PPP2R2C: variants seen among roughly 807,000 people sequenced by gnomAD.
PPP2R2C encodes protein phosphatase 2 regulatory subunit Bgamma.
Under a neutral mutation model 45.3 loss-of-function variants are expected in PPP2R2C, and 10 were observed. That is an observed-to-expected ratio of 0.22 (90% confidence interval 0.14 to 0.37). PPP2R2C has a LOEUF of 0.37. Among genes scored for constraint, PPP2R2C ranks in the 10% least tolerant of loss-of-function variants. The pLI is 1.00. For synonymous variants in PPP2R2C, 257 were observed against 245.4 expected (o/e 1.05, Z -0.44); for missense variants, 308 against 619.7 (o/e 0.50, Z 5.34).
At chr4:6,450,915 A>G (rs978919586) in intron 1 of PPP2R2C, among the ~76,000 whole-genome samples, 1 of 152,120 alleles carries the variant, frequency 6.6e-6, no homozygotes, top group African/African-American at 2.4e-5. Flanking sequence ...CCATCGGCGG[A>G]CACTTCAGCC....
Position 6,368,685 on chromosome 4 carries a change from G to A in PPP2R2C, c.625+3838C>T, listed in dbSNP as rs1714542358. Among the ~76,000 whole-genome samples the A allele has an allele frequency of 1.3e-5, 2 of 152,054 alleles. No individual in the cohort carries two copies. Among genetic ancestry groups the A allele is most frequent in the Admixed American group, 1.3e-4 (2 of 15,270 alleles). On this transcript the variant is annotated intron_variant, in intron 5 of 8. Transcript: ENST00000382599. This position sits in a 1 kb window ranked among gnomAD's most constrained non-coding sequence, Gnocchi z 4.2. ...TGGTTATGATACAATCCAAATCTATGACACCTCCATCCTTACAATCTCATT... is the reference window on the plus strand; with the variant it reads ...TGGTTATGATACAATCCAAATCTATAACACCTCCATCCTTACAATCTCATT...
chr4:6,356,172 G>A (rs1021402178), intron 5 of PPP2R2C, among the ~76,000 whole-genome samples: 3 of 152,102 alleles, frequency 2.0e-5, no homozygotes, highest in Non-Finnish European at 4.4e-5. Flanking sequence ...TGGCTGACCT[G>A]CTTGTGTCAT....
chr4:6,354,227 C>T (rs1354456612), intron 5 of PPP2R2C, among the ~76,000 whole-genome samples: 2 of 151,738 alleles, frequency 1.3e-5, no homozygotes, highest in Non-Finnish European at 2.9e-5. Flanking sequence ...TGGCCTCTCC[C>T]ACCCCACCGA....
At chr4:6,415,413 T>A (rs1477510691) in intron 1 of PPP2R2C, among the ~76,000 whole-genome samples, 3 of 152,220 alleles carry the variant, frequency 2.0e-5, no homozygotes, top group Non-Finnish European at 4.4e-5. Context: ...TTTCCCAGCC[T>A]GGGGCTCAAG....
At chr4:6,520,037 G>A (rs930111518) in intron 2 of PPP2R2C, among the ~76,000 whole-genome samples, 1 of 152,206 alleles carries the variant, frequency 6.6e-6, no homozygotes, top group African/African-American at 2.4e-5. Context: ...GTGACAGGAC[G>A]GGCTGGGTGT....
chr4:6,514,166 T>G (rs545833792), intron 2 of PPP2R2C, among the ~76,000 whole-genome samples: 2 of 152,344 alleles, frequency 1.3e-5, no homozygotes, highest in East Asian at 3.9e-4. Context: ...ATTCTTTTCC[T>G]ATGTATCTAA....
At position 6,362,359 on chromosome 4, in the gene PPP2R2C, G is replaced by C. The variant is rs55886051; in HGVS notation, c.625+10164C>G. Among the ~76,000 whole-genome samples, 1,007 of 152,238 alleles carry C rather than the reference G, an allele frequency of 6.6e-3. 5 individuals are homozygous for C. Among genetic ancestry groups the C allele is most frequent in the Non-Finnish European group, 0.01 (704 of 68,010 alleles). On this transcript the variant is annotated intron_variant, in intron 5 of 8. Transcript: ENST00000382599. ...CTGGGGTCAAGAGGATTTTAACAGG[G>C]AGCGAGTTCTAGAAATGCCAGGGAG...
intron 2 of PPP2R2C, among the ~76,000 whole-genome samples, chr4:6,482,237 T>G (rs1012961314): frequency 6.6e-6 from 1 of 152,196 alleles, no homozygotes; most frequent in Non-Finnish European, 1.5e-5. Context: ...TCTAAACACC[T>G]TATATTTGTA....
intron 2 of PPP2R2C, among the ~76,000 whole-genome samples, chr4:6,512,259 G>A (rs1723625950): frequency 8.4e-6 from 1 of 119,188 alleles, no homozygotes; most frequent in Non-Finnish European, 1.8e-5. Context: ...TGGTGATGGT[G>A]GTGGTGGTGA....
intron 1 of PPP2R2C, among the ~76,000 whole-genome samples, chr4:6,552,156 C>T (rs918909837): frequency 3.3e-5 from 5 of 152,246 alleles, no homozygotes; most frequent in Non-Finnish European, 7.3e-5. Flanking sequence ...ATTTCCATGG[C>T]ACCTGCTCTG....
intron 1 of PPP2R2C, among the ~76,000 whole-genome samples, chr4:6,545,465 C>A (rs150012258): frequency 2.3e-3 from 349 of 152,318 alleles, no homozygotes; most frequent in Middle Eastern, 0.017. Context: ...TCTCAGGTGT[C>A]ATAAAGCCAG....
chr4:6,549,407 C>T (rs367556518), intron 1 of PPP2R2C, among the ~76,000 whole-genome samples: 3 of 152,150 alleles, frequency 2.0e-5, no homozygotes, highest in African/African-American at 7.2e-5. Context: ...TCCGGGGAGG[C>T]CTCCCGGAGG....
chr4:6,327,247 C>T (rs931230658), intron 8 of PPP2R2C, among the ~76,000 whole-genome samples: 2 of 152,194 alleles, frequency 1.3e-5, no homozygotes, highest in Admixed American at 6.5e-5. Context: ...AGGTTCCAGC[C>T]GGGCAGAGCA....
In PPP2R2C at chr4:6,332,506, G is replaced by C. The variant is rs980330075; in HGVS notation, c.960+1056C>G. Reference sequence around the variant, plus strand: ...TTCCTCTGGGGCCCAGGTCAGATCAGAGCAGCCCACCCTCTGAGCTCTGCA... The same window carrying C: ...TTCCTCTGGGGCCCAGGTCAGATCACAGCAGCCCACCCTCTGAGCTCTGCA... On this transcript the variant is annotated intron_variant, in intron 7 of 8. Transcript: ENST00000382599. The surrounding 1 kb of genome is among the most constrained non-coding windows in gnomAD (Gnocchi z 4.9). Among the ~76,000 whole-genome samples the C allele has an allele frequency of 2.0e-5, 3 of 152,162 alleles. No homozygotes were observed. The highest frequency in any genetic ancestry group is 2.9e-5 in the Non-Finnish European group (2 of 68,028).
intron 1 of PPP2R2C, among the ~76,000 whole-genome samples, chr4:6,460,410 C>G (rs1323190985): frequency 6.6e-6 from 1 of 152,190 alleles, no homozygotes; most frequent in East Asian, 1.9e-4. Context: ...ACACCTTGAT[C>G]TTGGACTCCC....
chr4:6,353,448 A>C (rs1156348590), intron 5 of PPP2R2C, among the ~76,000 whole-genome samples: 2 of 15,934 alleles, frequency 1.3e-4, no homozygotes, highest in African/African-American at 2.6e-4. Flanking sequence ...AACAGCCCCC[A>C]ACACCCGACA....
intron 1 of PPP2R2C, among the ~76,000 whole-genome samples, chr4:6,435,870 T>G (rs1441750475): frequency 6.6e-6 from 1 of 152,186 alleles, no homozygotes; most frequent in South Asian, 2.1e-4. Context: ...TGTGCAAAAC[T>G]AGATCTGGGA....
chr4:6,465,181 G>GAA (rs75238697), intron 1 of PPP2R2C, among the ~76,000 whole-genome samples: 8,964 of 151,426 alleles, frequency 0.059, 554 homozygotes, highest in East Asian at 0.34. Flanking sequence ...AAACCTGTAG[G>GAA]AAAAAAAAGA....
At position 6,329,281 on chromosome 4, in the gene PPP2R2C, C is replaced by A. The variant is rs779928185; in HGVS notation, c.1033G>T (p.Ala345Ser). 6.2e-7 allele frequency: 1 copy of A among 1,614,038 alleles called. No homozygotes were observed. Among genetic ancestry groups the A allele is most frequent in the Non-Finnish European group, 8.5e-7 (1 of 1,179,994 alleles). The change falls in exon 8 of 9, where the codon GCC (alanine) becomes TCC (serine). Residue 345 changes from alanine (A) to serine (S), a missense_variant. By Grantham distance (99) the Ala-to-Ser change is moderately conservative. Coordinates refer to ENST00000382599, the MANE Select transcript of PPP2R2C (RefSeq NM_020416.4). This position sits in a 1 kb window ranked among gnomAD's most constrained non-coding sequence, Gnocchi z 5.8. ...NDCIFDKFEC[A>S]WNGSDSVIMT... The stretch of plus-strand genomic sequence containing the variant: ...GCTTACCTGTCGCTCCCGTTCCAGG[C>A]ACATTCAAACTTGTCGAAAATGCAG...
Sources: gnomAD v4.1 joint callset for allele counts (sites outside exome capture counted in the v4.1 genomes callset) on GRCh38, gnomAD v4.1.1 for gene constraint, Gnocchi (gnomAD v3.1) non-coding constraint, MANE v1.5 for transcripts, NCBI Gene and HGNC (gene_info 2026-07-23, HGNC 2026-07-21) for gene names.